LACTB2: variants seen among roughly 807,000 people sequenced by gnomAD.
The protein encoded by LACTB2 is endoribonuclease LACTB2.
LACTB2 carries 32 observed loss-of-function variants against 34.8 expected under a neutral mutation model. The ratio of observed to expected loss-of-function variants is 0.92; its 90% CI spans 0.69 to 1.24. LACTB2 has a LOEUF of 1.24. LACTB2 is among the 50% of genes most tolerant of loss of function. The pLI is 0.00. For synonymous variants in LACTB2, 120 were observed against 117.5 expected, an observed-to-expected ratio of 1.02 and a Z score of -0.14; for missense variants, 320 against 345.0, an observed-to-expected ratio of 0.93 and a Z score of 0.57.
chr8:70,660,030 T>C (rs1818462473), intron 2 of LACTB2: 1 of 152,304 alleles, frequency 6.6e-6, no homozygotes, highest in South Asian at 2.1e-4. Flanking sequence ...AAGTGGGCCA[T>C]AAACATTTTA....
At chr8:70,656,302 T>C (rs1474498547) in intron 3 of LACTB2, among the ~76,000 whole-genome samples, 2 of 152,252 alleles carry the variant, frequency 1.3e-5, no homozygotes, top group Non-Finnish European at 2.9e-5. Flanking sequence ...CTTCTGTAAT[T>C]TTTATAGTTT....
Position 70,640,989 on chromosome 8 carries a change from A to C in LACTB2, c.654T>G (p.Asn218Lys), listed in dbSNP as rs1818190419. The C allele has an allele frequency of 6.2e-7, 1 of 1,609,184 alleles. No homozygotes were observed. The highest frequency in any genetic ancestry group is 1.7e-5 in the Admixed American group (1 of 58,874). ...ATGTAAGAATTTGCTGCTCTCGAATATTTCTGTGAGAAATGTATTGTTGAA... is the reference window on the plus strand; with the variant it reads ...ATGTAAGAATTTGCTGCTCTCGAATCTTTCTGTGAGAAATGTATTGTTGAA... ...AKIQQYISHR[N>K]IREQQILTLF... The change falls in exon 5 of 7, where the codon AAT (asparagine) becomes AAG (lysine). Residue 218 changes from asparagine (N) to lysine (K), a missense_variant. Physicochemically the swap from Asn to Lys is moderately conservative, Grantham distance 94. Transcript: ENST00000276590.
At chr8:70,639,832 C>T (rs1441738139) in intron 5 of LACTB2, among the ~76,000 whole-genome samples, 1 of 151,940 alleles carries the variant, frequency 6.6e-6, no homozygotes, top group East Asian at 2.0e-4. Flanking sequence ...TATGGTGGCA[C>T]ATGCCTGTAA....
chr8:70,642,335 A>T (rs894556025), intron 4 of LACTB2, among the ~76,000 whole-genome samples: 2 of 152,268 alleles, frequency 1.3e-5, no homozygotes, highest in African/African-American at 4.8e-5. Flanking sequence ...TATGTTTTCT[A>T]TTCCCCCAGC....
At chr8:70,644,403 T>C (rs1408314873) in intron 3 of LACTB2, among the ~76,000 whole-genome samples, 160 bp from the exon 4 acceptor site, 1 of 152,212 alleles carries the variant, frequency 6.6e-6, no homozygotes, top group Non-Finnish European at 1.5e-5. Context: ...AAATTATCAT[T>C]AGAAAATTCT....
At chr8:70,660,951 T>C (rs1264735796) in intron 2 of LACTB2, 2 of 455,850 alleles carry the variant, frequency 4.4e-6, no homozygotes, top group Admixed American at 2.4e-5. Flanking sequence ...GAAATTTTTG[T>C]ACTTTTTTTG....
chr8:70,644,297 G>A (rs1818236390), intron 3 of LACTB2, 54 bp from the exon 4 acceptor site: 1 of 1,199,794 alleles, frequency 8.3e-7, no homozygotes, highest in African/African-American at 1.5e-5. Flanking sequence ...GAGCTTAGAA[G>A]AAATTTTGAG....
In LACTB2 at chr8:70,640,907, AAAT is replaced by A. The variant is rs1477360362; in HGVS notation, c.733_735del (p.Ile245del). 33 of 1,576,080 alleles carry A rather than the reference AAAT, an allele frequency of 2.1e-5. No homozygotes were observed. The highest frequency in any genetic ancestry group is 2.5e-5 in the Non-Finnish European group (29 of 1,165,830). ...ATAAGAAAACTGAAAATTACCTTGT[AAAT>A]AATTTTTACAAGCTCCATTACTGTA... On this transcript the variant is annotated inframe_deletion, in exon 5 of 7. Coordinates refer to ENST00000276590, the MANE Select transcript of LACTB2 (RefSeq NM_016027.3).
chr8:70,645,004 A>C (rs1586783660), intron 3 of LACTB2, among the ~76,000 whole-genome samples: 1 of 152,102 alleles, frequency 6.6e-6, no homozygotes, highest in East Asian at 2.0e-4. Flanking sequence ...TGAAATCTTA[A>C]CTTACTATAT....
chr8:70,668,573 ATAAT>A (rs918835396), intron 1 of LACTB2, among the ~76,000 whole-genome samples: 3 of 152,308 alleles, frequency 2.0e-5, no homozygotes, highest in Middle Eastern at 3.4e-3. Context: ...TCGCCTCAAC[ATAAT>A]TAATCGCTTT....
At chr8:70,659,420 A>G (rs1377731067) in intron 2 of LACTB2, among the ~76,000 whole-genome samples, 1 of 152,204 alleles carries the variant, frequency 6.6e-6, no homozygotes, top group Non-Finnish European at 1.5e-5. Context: ...AGAAAAATGG[A>G]CAAGGCACAG....
chr8:70,641,948 G>T lies in LACTB2; in HGVS notation c.593-898C>A, dbSNP rs1586782265. Among the ~76,000 whole-genome samples the T allele has an allele frequency of 1.3e-5, 2 of 152,266 alleles. 1 individual carries two copies. Among genetic ancestry groups the T allele is most frequent in the Admixed American group, 1.3e-4 (2 of 15,290 alleles). Reference sequence around the variant, plus strand: ...TGAATCTCTCTAAGCTGTTTCTTCTGCTGTGTGGTGAGGAAACCACTACCT... The same window carrying T: ...TGAATCTCTCTAAGCTGTTTCTTCTTCTGTGTGGTGAGGAAACCACTACCT... On this transcript the variant is annotated intron_variant, in intron 4 of 6. Coordinates refer to ENST00000276590, the MANE Select transcript of LACTB2 (RefSeq NM_016027.3).
chr8:70,642,491 G>GT (rs1165368092), intron 4 of LACTB2, among the ~76,000 whole-genome samples: 5 of 149,180 alleles, frequency 3.4e-5, no homozygotes, highest in Admixed American at 2.7e-4. Flanking sequence ...ATTGGGTCCT[G>GT]TGTCTTTCTT....
At chr8:70,652,665 G>A (rs942351564) in intron 3 of LACTB2, 1 of 152,122 alleles carries the variant, frequency 6.6e-6, no homozygotes, top group Non-Finnish European at 1.5e-5. Flanking sequence ...GAGATTTCTG[G>A]GACACTGATA....
At chr8:70,665,210 A>G (rs1220838973) in intron 1 of LACTB2, among the ~76,000 whole-genome samples, 1 of 152,228 alleles carries the variant, frequency 6.6e-6, no homozygotes, top group African/African-American at 2.4e-5. Flanking sequence ...CTATCTCAGG[A>G]GGTCATTTTG....
intron 5 of LACTB2, among the ~76,000 whole-genome samples, chr8:70,639,122 T>C (rs982941901): frequency 1.3e-5 from 2 of 152,162 alleles, no homozygotes; most frequent in Non-Finnish European, 2.9e-5. Flanking sequence ...TATATACTCC[T>C]ATAGATAGAA....
intron 4 of LACTB2, among the ~76,000 whole-genome samples, chr8:70,642,747 G>A (rs971632409): frequency 2.0e-5 from 3 of 152,102 alleles, no homozygotes; most frequent in Non-Finnish European, 2.9e-5. Flanking sequence ...GCCTCCCAAA[G>A]AGCTGGGATT....
At chr8:70,643,518 T>A (rs1219464552) in intron 4 of LACTB2, among the ~76,000 whole-genome samples, 6 of 70,294 alleles carry the variant, frequency 8.5e-5, no homozygotes. Context: ...AGTTGATATG[T>A]TTTTTTTTTC....
chr8:70,654,793 C>A (rs541968915), intron 3 of LACTB2: 2 of 152,524 alleles, frequency 1.3e-5, no homozygotes, highest in East Asian at 3.9e-4. Flanking sequence ...TGGCATAGTA[C>A]ACTACAGCCA....
Sources: allele counts gnomAD v4.1 joint callset (sites outside exome capture counted in the v4.1 genomes callset), GRCh38; gene constraint gnomAD v4.1.1; transcripts MANE v1.5; gene names NCBI Gene and HGNC (gene_info 2026-07-23, HGNC 2026-07-21).